Variants in DHRSX observed in about 807,000 individuals in gnomAD.
DHRSX encodes the protein dehydrogenase/reductase X-linked, also known as polyprenol dehydrogenase.
In DHRSX, 31 loss-of-function variants were observed where a neutral mutation model predicts 34.0. The ratio of observed to expected loss-of-function variants is 0.91; its 90% CI spans 0.69 to 1.23. The LOEUF is 1.23. Ranked by LOEUF, DHRSX falls within the 50% of genes most tolerant of loss-of-function variation. DHRSX has a pLI of 0.00. For missense variants in DHRSX, 414 were observed against 428.1 expected, an observed-to-expected ratio of 0.97 and a Z score of 0.29; for synonymous variants, 201 against 183.8, an observed-to-expected ratio of 1.09 and a Z score of -0.76.
At chrX:2,492,875 T>C (rs1289803726) in intron 1 of DHRSX, among the ~76,000 whole-genome samples, 3 of 152,256 alleles carry the variant, frequency 2.0e-5, no homozygotes, top group Non-Finnish European at 2.9e-5. Context: ...TCTGGTACTT[T>C]ATTAAAGCAA....
chrX:2,449,359 GC>G (rs1324162687), intron 1 of DHRSX, among the ~76,000 whole-genome samples: 4 of 152,154 alleles, frequency 2.6e-5, no homozygotes, highest in Non-Finnish European at 5.9e-5. Flanking sequence ...ACACACCATG[GC>G]AGGGCTCATC....
intron 3 of DHRSX, among the ~76,000 whole-genome samples, chrX:2,370,805 G>A (rs1048551086): frequency 2.0e-5 from 3 of 152,066 alleles, no homozygotes; most frequent in African/African-American, 7.2e-5. Context: ...CCGGGATGTT[G>A]GGCCAGCCTC....
At chrX:2,326,554 G>C (rs772900785) in intron 3 of DHRSX, among the ~76,000 whole-genome samples, 35 of 152,076 alleles carry the variant, frequency 2.3e-4, no homozygotes, top group African/African-American at 7.5e-4. Flanking sequence ...AACTTCTGGG[G>C]GCCCATCTTA....
At chrX:2,319,411 C>T (rs1436366415) in intron 3 of DHRSX, among the ~76,000 whole-genome samples, 4 of 151,658 alleles carry the variant, frequency 2.6e-5, no homozygotes, top group Admixed American at 1.3e-4. Flanking sequence ...GGTGTGGTGG[C>T]GTGTGCCTGT....
intron 3 of DHRSX, among the ~76,000 whole-genome samples, chrX:2,299,014 AT>A (rs2041980121): frequency 1.5e-4 from 20 of 131,546 alleles, no homozygotes; most frequent in East Asian, 6.2e-4. Context: ...AAAAAAAAAA[AT>A]GGGAAAAATG....
rs867266431 is a variant in DHRSX, at chrX:2,304,203, A to G, written c.287-12600T>C. On this transcript the variant is annotated intron_variant, in intron 3 of 6. Transcript: ENST00000334651. ...TGGATGGATGGATGGATGGATGGAT[A>G]AATGGATGGATGGATGGATGGATGG... 7.8e-3 allele frequency among the ~76,000 whole-genome samples: 230 copies of G among 29,592 alleles called. 7 individuals carry two copies. The highest frequency in any genetic ancestry group is 0.019 in the African/African-American group (147 of 7,588). The allele number at this position is 29,592 out of a possible 152,430, so 19.4% of individuals were successfully genotyped here.
At chrX:2,221,298 C>A in intron 6 of DHRSX, 69 bp from the exon 7 acceptor site, 2 of 1,485,244 alleles carry the variant, frequency 1.3e-6, no homozygotes, top group Non-Finnish European at 1.8e-6. Context: ...TCTCAGGACT[C>A]ACATGGATGC....
At chrX:2,303,789 ATGGGTGGGTGGGTGGG>A (rs371825446) in intron 3 of DHRSX, among the ~76,000 whole-genome samples, 1 of 73,054 alleles carries the variant, frequency 1.4e-5, no homozygotes, top group Admixed American at 1.6e-4. Flanking sequence ...GGATGGATGG[ATGGGTGGGTGGGTGGG>A]TGGATGGGTG....
intron 3 of DHRSX, among the ~76,000 whole-genome samples, chrX:2,303,024 G>A (rs140982091): frequency 7.9e-5 from 12 of 152,236 alleles, no homozygotes; most frequent in Admixed American, 6.5e-5. Context: ...AAACACTTGT[G>A]GGGATGTAAG....
At chrX:2,407,711 A>G (rs749570465) in intron 3 of DHRSX, among the ~76,000 whole-genome samples, 1 of 152,300 alleles carries the variant, frequency 6.6e-6, no homozygotes, top group Admixed American at 6.5e-5. Context: ...ATTCTTACTT[A>G]TAAGCAGGAG....
chrX:2,474,988 T>C (rs67560174), intron 1 of DHRSX, among the ~76,000 whole-genome samples: 31,035 of 150,648 alleles, frequency 0.21, 4,204 homozygotes, highest in African/African-American at 0.39. Context: ...GCCAAGGGAA[T>C]GCACTGAAGA....
chrX:2,390,440 A>AT lies in DHRSX; in HGVS notation c.286+18304dup, dbSNP rs34329831. On this transcript the variant is annotated intron_variant, in intron 3 of 6. Transcript: ENST00000334651. ...GGCATGAGTCACCATGCCCAGCTGC[A>AT]TTTTTTTTTTTTATAATTTTGAATT... Among the ~76,000 whole-genome samples, 99 of 149,718 alleles carry AT rather than the reference A, an allele frequency of 6.6e-4. No homozygotes were observed. In the South Asian group the frequency reaches 0.015, roughly 23 times the overall value.
Position 2,317,145 on chromosome X carries a change from A to T in DHRSX, c.287-25542T>A, listed in dbSNP as rs187071214. 5.3e-5 allele frequency among the ~76,000 whole-genome samples: 8 copies of T among 151,576 alleles called. No individual in the cohort carries two copies. In the East Asian group the frequency reaches 1.5e-3, roughly 29 times the overall value. On this transcript the variant is annotated intron_variant, in intron 3 of 6. Transcript: ENST00000334651. Reference sequence around the variant, plus strand: ...GCTAATTTTTGTATTTTTACTAGAGATGGGCTTTCACCACGTTTGTCAGGC... The same window carrying T: ...GCTAATTTTTGTATTTTTACTAGAGTTGGGCTTTCACCACGTTTGTCAGGC...
At chrX:2,413,832 T>C (rs191282838) in intron 2 of DHRSX, among the ~76,000 whole-genome samples, 3 of 152,154 alleles carry the variant, frequency 2.0e-5, no homozygotes, top group Admixed American at 6.5e-5. Flanking sequence ...TTAACCCAAA[T>C]AGATCTGATT....
intron 1 of DHRSX, among the ~76,000 whole-genome samples, chrX:2,474,276 C>G (rs1477613749): frequency 6.6e-6 from 1 of 151,106 alleles, no homozygotes; most frequent in South Asian, 2.1e-4. Context: ...AAGGGACCAT[C>G]GCCATGTACA....
chrX:2,384,930 TAAAAAAAA>T (rs1157697614), intron 3 of DHRSX, among the ~76,000 whole-genome samples: 3 of 139,704 alleles, frequency 2.1e-5, no homozygotes, highest in Non-Finnish European at 4.7e-5. Flanking sequence ...TAAATAAATT[TAAAAAAAA>T]AAAGAAAAAA....
At chrX:2,472,243 A>G in intron 1 of DHRSX, among the ~76,000 whole-genome samples, 1 of 152,030 alleles carries the variant, frequency 6.6e-6, no homozygotes, top group East Asian at 1.9e-4. Flanking sequence ...AAAACCAAAT[A>G]CCACCTGTTC....
At chrX:2,408,887 AG>A in intron 2 of DHRSX, 74 bp from the exon 3 acceptor site, 1 of 1,240,700 alleles carries the variant, frequency 8.1e-7, no homozygotes, top group Non-Finnish European at 1.1e-6. Flanking sequence ...AAAAAAAAAA[AG>A]AGGTTTTAAG....
chrX:2,492,826 A>C, intron 1 of DHRSX, among the ~76,000 whole-genome samples: 1 of 152,246 alleles, frequency 6.6e-6, no homozygotes, highest in Admixed American at 6.5e-5. Flanking sequence ...GGCCTCCAGA[A>C]CTGGGAGAGA....
Sources: allele counts gnomAD v4.1 joint callset (sites outside exome capture counted in the v4.1 genomes callset), GRCh38; gene constraint gnomAD v4.1.1; transcripts MANE v1.5; gene names NCBI Gene and HGNC (gene_info 2026-07-23, HGNC 2026-07-21).